The following RAB2B variants were observed in gnomAD, a reference collection of about 807,000 sequenced individuals.
RAB2B encodes ras-related protein Rab-2B.
In RAB2B, 20 loss-of-function variants were observed where a neutral mutation model predicts 29.8. The observed-to-expected ratio is 0.67, with a 90% CI of 0.47 to 0.97. The LOEUF (loss-of-function observed/expected upper bound fraction) is 0.97, where lower values mean the gene tolerates loss of function less well. RAB2B is among the 50% of genes least tolerant of loss of function. The pLI is 0.00. For missense variants in RAB2B, 218 were observed against 272.0 expected (o/e 0.80, Z 1.40); for synonymous variants, 93 against 91.7 (o/e 1.01, Z -0.08).
rs1890535641 is a variant in RAB2B at position 21,460,821 on chromosome 14, C to T, written c.*375G>A. 6.5e-6 allele frequency: 1 copy of T among 154,286 alleles called. No individual in the cohort carries two copies. 9.6% of individuals were successfully genotyped at this position (154,286 alleles called of 1,614,324 possible). On this transcript the variant is annotated 3_prime_UTR_variant, in exon 8 of 8. Coordinates refer to ENST00000397762, the MANE Select transcript of RAB2B (RefSeq NM_032846.4). ...TGAGATGGCATTTCTCCAAGTTGGTCAGGCTGGTCTCGAACTCTTGACCTC... is the reference window on the plus strand; with the variant it reads ...TGAGATGGCATTTCTCCAAGTTGGTTAGGCTGGTCTCGAACTCTTGACCTC...
chr14:21,476,522 A>T lies in RAB2B; in HGVS notation c.118+6T>A. The T allele has an allele frequency of 6.2e-7, 1 of 1,613,762 alleles. No homozygotes were observed. The highest frequency in any genetic ancestry group is 1.1e-5 in the South Asian group (1 of 91,080). ...CATCTGTTCTGGAACAAGTAGATGC[A>T]CTTACCTATTGTGAGGTCGTGGACA... On this transcript the variant is annotated splice_donor_region_variant and intron_variant, in intron 2 of 7. Transcript: ENST00000397762.
At chr14:21,472,129 G>A (rs1566472657) in intron 3 of RAB2B, among the ~76,000 whole-genome samples, 3 of 151,318 alleles carry the variant, frequency 2.0e-5, no homozygotes, top group Admixed American at 6.6e-5. Flanking sequence ...TCCAATGAAC[G>A]GTTTATTAAG....
intron 7 of RAB2B, among the ~76,000 whole-genome samples, chr14:21,461,977 A>G (rs1431360628): frequency 6.6e-6 from 1 of 152,214 alleles, no homozygotes; most frequent in Non-Finnish European, 1.5e-5. Context: ...GAAGTAGCAT[A>G]TGATTCTTTT....
rs1890740372 is a variant in RAB2B, at chr14:21,468,684, C to T, written c.255G>A (p.Val85=). The change falls in exon 4 of 8, where the codon GTG becomes GTA. Residue 85 remains valine, a synonymous_variant. Coordinates refer to ENST00000397762, the MANE Select transcript of RAB2B (RefSeq NM_032846.4). ...ATCTGGCTCACCTTGTAATGTCGTACACCAGCAGTGCTCCAGCTGCTCCCC... is the reference window on the plus strand; with the variant it reads ...ATCTGGCTCACCTTGTAATGTCGTATACCAGCAGTGCTCCAGCTGCTCCCC... ...YYRGAAGALL[V]YDITRRETFN... is the part of the protein sequence containing the mutation. The T allele has an allele frequency of 1.3e-6, 2 of 1,576,278 alleles. No homozygotes were observed. Among genetic ancestry groups the T allele is most frequent in the African/African-American group, 2.7e-5 (2 of 72,748 alleles).
rs1890544788 is a variant in RAB2B at position 21,461,147 on chromosome 14, T to C, written c.*49A>G. ...AGAAAGACCTCTTTCATTAAGCCTA[T>C]TGATCTGAAGCTATTCCAGGAAGGA... is the stretch of plus-strand genomic sequence containing the variant. On this transcript the variant is annotated 3_prime_UTR_variant, in exon 8 of 8. Transcript: ENST00000397762. 1 of 1,281,930 alleles carries C rather than the reference T, an allele frequency of 7.8e-7. No individual in the cohort carries two copies. Among genetic ancestry groups the C allele is most frequent in the Middle Eastern group, 1.9e-4 (1 of 5,294 alleles). 79.4% of individuals were successfully genotyped at this position (1,281,930 alleles called of 1,614,324 possible).
In RAB2B at chr14:21,462,202, TAAAAAAA is replaced by T. The variant is rs60977608; in HGVS notation, c.543+141_543+147del. ...TGACAGGTCTCTGTGTACCTAGATT[TAAAAAAA>T]AAAAAAAAAAAGTGTTGAATTGGCA... On this transcript the variant is annotated intron_variant, in intron 7 of 7. Coordinates refer to ENST00000397762, the MANE Select transcript of RAB2B (RefSeq NM_032846.4). 5.7e-5 allele frequency: 23 copies of T among 404,930 alleles called. No homozygotes were observed. In the East Asian group the frequency reaches 9.7e-4, roughly 17 times the overall value. 25.1% of individuals were successfully genotyped at this position (404,930 alleles called of 1,614,324 possible).
Position 21,463,648 on chromosome 14 carries a change from A to C in RAB2B, c.474+8T>G. The C allele has an allele frequency of 1.3e-6, 2 of 1,582,630 alleles. No homozygotes were observed. Among genetic ancestry groups the C allele is most frequent in the Non-Finnish European group, 1.7e-6 (2 of 1,151,726 alleles). The stretch of plus-strand genomic sequence containing the variant: ...AAAGAGCTTTCCCCACTGTTTTCCA[A>C]ATAGTACCTCTTCAACATTGCAGGC... On this transcript the variant is annotated splice_region_variant and intron_variant, in intron 6 of 7. Transcript: ENST00000397762.
At chr14:21,472,823 A>C (rs1265266992) in intron 3 of RAB2B, among the ~76,000 whole-genome samples, 1 of 141,648 alleles carries the variant, frequency 7.1e-6, no homozygotes, top group African/African-American at 2.5e-5. Flanking sequence ...TGAGTGCTTA[A>C]AAAAAAAAAA....
At chr14:21,466,001 A>G (rs1890677556) in intron 5 of RAB2B, among the ~76,000 whole-genome samples, 1 of 152,194 alleles carries the variant, frequency 6.6e-6, no homozygotes, top group Admixed American at 6.5e-5. Context: ...GTACCCTGTT[A>G]TTCTTTCGTA....
chr14:21,475,282 T>C (rs945628421), intron 2 of RAB2B, among the ~76,000 whole-genome samples: 1 of 152,152 alleles, frequency 6.6e-6, no homozygotes, highest in Admixed American at 6.6e-5. Context: ...TTTTGTAACT[T>C]TTCCAAAAAA....
chr14:21,476,887 T>C lies in RAB2B; in HGVS notation c.-15A>G, dbSNP rs936673874. 1 of 1,613,258 alleles carries C rather than the reference T, an allele frequency of 6.2e-7. No individual in the cohort carries two copies. The highest frequency in any genetic ancestry group is 8.5e-7 in the Non-Finnish European group (1 of 1,180,012). On this transcript the variant is annotated 5_prime_UTR_variant, in exon 1 of 8. Transcript: ENST00000397762. ...GCATAAGTCATGGTGTCGCGTCCTC[T>C]GGGTTCCGGGTCCGCCCGACTTCTA... is the stretch of plus-strand genomic sequence containing the variant.
Position 21,460,315 on chromosome 14 carries a change from C to T in RAB2B, c.*881G>A, listed in dbSNP as rs755946608. The T allele has an allele frequency of 7.7e-6, 4 of 516,474 alleles. No homozygotes were observed. Among genetic ancestry groups the T allele is most frequent in the Non-Finnish European group, 1.5e-5 (4 of 258,518 alleles). The allele number at this position is 516,474 out of a possible 1,614,324, so 32.0% of individuals were successfully genotyped here. On this transcript the variant is annotated 3_prime_UTR_variant, in exon 8 of 8. Coordinates refer to ENST00000397762, the MANE Select transcript of RAB2B (RefSeq NM_032846.4). ...CGAAATTATTTATTTAGGCCAGGCA[C>T]GGTGGCTCACACCTGTAATCCAGCA...
chr14:21,459,697 G>A lies in RAB2B; in HGVS notation c.*1499C>T, dbSNP rs1890494157. 1 of 153,512 alleles carries A rather than the reference G, an allele frequency of 6.5e-6. No individual in the cohort carries two copies. The highest frequency in any genetic ancestry group is 2.4e-5 in the African/African-American group (1 of 41,440). 9.5% of individuals were successfully genotyped at this position (153,512 alleles called of 1,614,324 possible). ...ACATATGAAAACTAAGGAATATTGTGTTAATAACTGCTTAGCAGTACCTAA... is the reference window on the plus strand; with the variant it reads ...ACATATGAAAACTAAGGAATATTGTATTAATAACTGCTTAGCAGTACCTAA... On this transcript the variant is annotated 3_prime_UTR_variant, in exon 8 of 8. Coordinates refer to ENST00000397762, the MANE Select transcript of RAB2B (RefSeq NM_032846.4).
intron 2 of RAB2B, among the ~76,000 whole-genome samples, 156 bp from the exon 3 acceptor site, chr14:21,475,090 TTG>T (rs1890915079): frequency 6.6e-6 from 1 of 152,234 alleles, no homozygotes; most frequent in South Asian, 2.1e-4. Context: ...CCAATTAATT[TTG>T]TGTTTCTTAA....
intron 5 of RAB2B, among the ~76,000 whole-genome samples, 189 bp downstream of exon 5, chr14:21,468,168 G>T (rs935514595): frequency 6.6e-6 from 1 of 152,092 alleles, no homozygotes; most frequent in Admixed American, 6.6e-5. Context: ...TATTCTTAAT[G>T]CTACAGGACT....
chr14:21,463,320 C>T (rs576191640), intron 6 of RAB2B, among the ~76,000 whole-genome samples: 2 of 143,394 alleles, frequency 1.4e-5, no homozygotes, highest in South Asian at 2.2e-4. Flanking sequence ...GATCTCAGTT[C>T]ACTACAACCT....
At chr14:21,474,419 C>T (rs575389389) in intron 3 of RAB2B, 1 of 152,662 alleles carries the variant, frequency 6.6e-6, no homozygotes, top group African/African-American at 2.6e-5. Context: ...TACTCTGTCA[C>T]GATTCTATAC....
chr14:21,461,955 C>T (rs954314049), intron 7 of RAB2B, among the ~76,000 whole-genome samples: 2 of 152,106 alleles, frequency 1.3e-5, no homozygotes, highest in African/African-American at 4.8e-5. Flanking sequence ...GAAGTGGAGG[C>T]GGCAAAGTGC....
At chr14:21,476,723 C>CGG in intron 1 of RAB2B, 104 bp downstream of exon 1, 1 of 1,592,260 alleles carries the variant, frequency 6.3e-7, no homozygotes, top group Non-Finnish European at 8.6e-7. Context: ...CCGCCCCGCC[C>CGG]GTCTCGAATC....
Sources: gnomAD v4.1 joint callset for allele counts (sites outside exome capture counted in the v4.1 genomes callset) on GRCh38, gnomAD v4.1.1 for gene constraint, MANE v1.5 for transcripts, NCBI Gene and HGNC (gene_info 2026-07-23, HGNC 2026-07-21) for gene names.